Variants in CREB3L2 observed in about 807,000 individuals in gnomAD.
CREB3L2 encodes the protein cAMP responsive element binding protein 3 like 2, also known as cyclic AMP-responsive element-binding protein 3-like protein 2.
A neutral mutation model predicts 57.2 loss-of-function variants in CREB3L2; 23 were observed. That is an observed-to-expected ratio of 0.40 (90% CI 0.29 to 0.57). The LOEUF is 0.57. CREB3L2 is among the 20% of genes least tolerant of loss of function. The pLI, the probability that CREB3L2 is intolerant of heterozygous loss-of-function variation, is 0.42. For missense variants in CREB3L2, 628 were observed against 634.7 expected (o/e 0.99, Z 0.11); for synonymous variants, 268 against 265.1 (o/e 1.01, Z -0.11).
intron 2 of CREB3L2, among the ~76,000 whole-genome samples, chr7:137,922,419 T>TAC (rs1563253307): frequency 2.0e-5 from 2 of 101,104 alleles, no homozygotes; most frequent in African/African-American, 1.7e-4. Flanking sequence ...TATATATGTA[T>TAC]ATATATATAT....
At chr7:137,916,411 T>A (rs1489698306) in intron 2 of CREB3L2, among the ~76,000 whole-genome samples, 1 of 152,096 alleles carries the variant, frequency 6.6e-6, no homozygotes, top group African/African-American at 2.4e-5. Flanking sequence ...ATAAGCACAT[T>A]TAAAAACATG....
chr7:137,957,764 G>A (rs1031284933), intron 1 of CREB3L2: 8 of 1,288,726 alleles, frequency 6.2e-6, no homozygotes, highest in Non-Finnish European at 8.1e-6. Flanking sequence ...AAAGAAGACT[G>A]GCTGTACAAG....
chr7:137,944,829 T>A (rs1800940441), intron 1 of CREB3L2, among the ~76,000 whole-genome samples: 1 of 152,192 alleles, frequency 6.6e-6, no homozygotes, highest in Non-Finnish European at 1.5e-5. Context: ...AATGTCTTTT[T>A]ATCTATTTCA....
intron 2 of CREB3L2, among the ~76,000 whole-genome samples, chr7:137,924,069 T>C (rs1380347782): frequency 1.3e-5 from 2 of 152,130 alleles, no homozygotes; most frequent in Non-Finnish European, 2.9e-5. Flanking sequence ...GCTCCATAAA[T>C]TTAAGGTATC....
At position 138,001,548 on chromosome 7, in the gene CREB3L2, C is replaced by T; in HGVS notation, c.102+56G>A. ...GTCCCAGGACTCCAGCTGCTCCTCG[C>T]GTGACAACACTTGCCCGCTTTGAAA... On this transcript the variant is annotated intron_variant, in intron 1 of 11. Transcript: ENST00000330387. The surrounding 1 kb of genome is among the most constrained non-coding windows in gnomAD (Gnocchi z 4.2). The T allele has an allele frequency of 7.4e-7, 1 of 1,354,158 alleles. No individual in the cohort carries two copies. Among genetic ancestry groups the T allele is most frequent in the African/African-American group, 1.5e-5 (1 of 68,524 alleles). The allele number at this position is 1,354,158 out of a possible 1,614,324, so 83.9% of individuals were successfully genotyped here. A position where few individuals can be genotyped will look rare whatever the true frequency, so the allele number is the denominator to read the frequency against.
chr7:137,985,614 TGTAA>T (rs1801780006), intron 1 of CREB3L2, among the ~76,000 whole-genome samples: 1 of 152,094 alleles, frequency 6.6e-6, no homozygotes, highest in African/African-American at 2.4e-5. Context: ...GAAAAAATAA[TGTAA>T]GTGACCTCAG....
intron 1 of CREB3L2, among the ~76,000 whole-genome samples, chr7:137,978,942 C>T (rs1801662346): frequency 6.6e-6 from 1 of 152,118 alleles, no homozygotes; most frequent in Non-Finnish European, 1.5e-5. Flanking sequence ...TGGGATGAGG[C>T]GAAGGTCTGA....
chr7:137,880,665 G>A lies in CREB3L2; in HGVS notation c.1488-114C>T. The A allele has an allele frequency of 2.5e-6, 2 of 808,214 alleles. No homozygotes were observed. The highest frequency in any genetic ancestry group is 4.2e-6 in the Non-Finnish European group (2 of 472,404). 50.1% of individuals were successfully genotyped at this position (808,214 alleles called of 1,614,324 possible). ...GGGTTGCAACTTGGTGAGACGGCCT[G>A]GGCATGTTTCTTGTCCTTTTCTCTC... On this transcript the variant is annotated intron_variant, in intron 11 of 11. Coordinates refer to ENST00000330387, the MANE Select transcript of CREB3L2 (RefSeq NM_194071.4). This position sits in a 1 kb window ranked among gnomAD's most constrained non-coding sequence, Gnocchi z 4.0.
In CREB3L2 at chr7:137,928,229, C is replaced by T. The variant is rs770530643; in HGVS notation, c.240G>A (p.Glu80=). The part of the protein sequence containing the change: ...PTSPAPLIQA[E]HSYSLCEEPR... ...GCTCCTCGCACAGGGAGTAGCTGTG[C>T]TCAGCCTGGATGAGAGGCGCCGGGG... The change falls in exon 2 of 12, where the codon GAG becomes GAA. Residue 80 remains glutamate, a synonymous_variant. Coordinates refer to ENST00000330387, the MANE Select transcript of CREB3L2 (RefSeq NM_194071.4). 2 of 1,611,798 alleles carry T rather than the reference C, an allele frequency of 1.2e-6. No homozygotes were observed. Among genetic ancestry groups the T allele is most frequent in the Non-Finnish European group, 1.7e-6 (2 of 1,178,868 alleles).
intron 1 of CREB3L2, chr7:137,957,683 C>G: frequency 1.2e-6 from 1 of 867,712 alleles, no homozygotes; most frequent in Non-Finnish European, 1.6e-6. Flanking sequence ...TATTAATAAC[C>G]CAAATAATTC....
chr7:137,915,040 C>T (rs1488298116), intron 3 of CREB3L2, among the ~76,000 whole-genome samples: 3 of 152,174 alleles, frequency 2.0e-5, no homozygotes, highest in Admixed American at 2.0e-4. Context: ...GATAGACATT[C>T]TATCTTGCTC....
At chr7:137,942,635 A>C (rs1431973810) in intron 1 of CREB3L2, among the ~76,000 whole-genome samples, 1 of 152,224 alleles carries the variant, frequency 6.6e-6, no homozygotes, top group African/African-American at 2.4e-5. Context: ...CATAAATAGA[A>C]TCTAGTGATC....
intron 8 of CREB3L2, among the ~76,000 whole-genome samples, chr7:137,896,737 GAGA>G (rs1437179188): frequency 2.6e-5 from 4 of 152,296 alleles, no homozygotes; most frequent in African/African-American, 7.2e-5. Flanking sequence ...GAAGAAATGG[GAGA>G]AGAAGACACA....
At chr7:137,988,266 G>A (rs967490091) in intron 1 of CREB3L2, among the ~76,000 whole-genome samples, 12 of 152,366 alleles carry the variant, frequency 7.9e-5, no homozygotes, top group Admixed American at 3.3e-4. Flanking sequence ...GCCACGGCAC[G>A]TGGGAGGCAC....
intron 1 of CREB3L2, among the ~76,000 whole-genome samples, chr7:137,990,183 C>T (rs963627447): frequency 2.0e-5 from 3 of 152,238 alleles, no homozygotes; most frequent in Admixed American, 2.0e-4. Context: ...GCACCCTACT[C>T]TCAAACTACA....
At chr7:137,941,934 T>C (rs1800887287) in intron 1 of CREB3L2, among the ~76,000 whole-genome samples, 4 of 150,920 alleles carry the variant, frequency 2.7e-5, no homozygotes, top group African/African-American at 9.9e-5. Flanking sequence ...TAAAACATCA[T>C]TTTTCTTTAG....
At chr7:137,909,602 C>T (rs1049166963) in intron 4 of CREB3L2, among the ~76,000 whole-genome samples, 1 of 152,236 alleles carries the variant, frequency 6.6e-6, no homozygotes, top group African/African-American at 2.4e-5. Context: ...TGGTTCTGCT[C>T]GGCCAGAGAA....
intron 8 of CREB3L2, among the ~76,000 whole-genome samples, chr7:137,891,076 G>C (rs1799520233): frequency 6.6e-6 from 1 of 152,202 alleles, no homozygotes; most frequent in Non-Finnish European, 1.5e-5. Context: ...GTTTATCTGG[G>C]CCAACAGATT....
At chr7:137,892,347 TAAA>T (rs779212071) in intron 8 of CREB3L2, among the ~76,000 whole-genome samples, 1 of 133,410 alleles carries the variant, frequency 7.5e-6, no homozygotes, top group Non-Finnish European at 1.6e-5. Flanking sequence ...TGCACACAAT[TAAA>T]AAAAAAAAAA....
Sources: gnomAD v4.1 joint callset for allele counts (sites outside exome capture counted in the v4.1 genomes callset) on GRCh38, gnomAD v4.1.1 for gene constraint, Gnocchi (gnomAD v3.1) non-coding constraint, MANE v1.5 for transcripts, NCBI Gene and HGNC (gene_info 2026-07-23, HGNC 2026-07-21) for gene names.